The following NFIX variants were observed in gnomAD, a reference collection of about 807,000 sequenced individuals.
NFIX encodes the protein nuclear factor I X.
Under a neutral mutation model 53.3 loss-of-function variants are expected in NFIX, and 2 were observed. The ratio of observed to expected loss-of-function variants is 0.04; its 90% CI spans 0.02 to 0.12. The LOEUF (loss-of-function observed/expected upper bound fraction) is 0.12. NFIX is among the 10% of genes least tolerant of loss of function. The pLI is 1.00. For synonymous variants in NFIX, 244 were observed against 289.0 expected (o/e 0.84, Z 1.58); for missense variants, 310 against 674.5 (o/e 0.46, Z 5.99).
At chr19:13,082,621 T>G (rs2017537587) in intron 8 of NFIX, 1 of 152,206 alleles carries the variant, frequency 6.6e-6, no homozygotes, top group Non-Finnish European at 1.5e-5. Context: ...TGACAGAAAC[T>G]CAGGGTTGCT....
rs954704872 is a variant in NFIX, at chr19:13,042,161, C to G, written c.559+16609C>G. Among the ~76,000 whole-genome samples, 4 of 151,832 alleles carry G rather than the reference C, an allele frequency of 2.6e-5. No homozygotes were observed. In the East Asian group the frequency reaches 7.8e-4, roughly 30 times the overall value. ...GACCTCGTGATCCGCCTGCCTTGGC[C>G]TCCCAAAGTGCTGGGATTACAGGCA... is the stretch of plus-strand genomic sequence containing the variant. On this transcript the variant is annotated intron_variant, in intron 2 of 10. Coordinates refer to ENST00000592199, the MANE Select transcript of NFIX (RefSeq NM_001365902.3).
chr19:13,076,473 T>C (rs1463017047), intron 6 of NFIX, among the ~76,000 whole-genome samples: 2 of 152,174 alleles, frequency 1.3e-5, no homozygotes, highest in South Asian at 4.1e-4. Flanking sequence ...TGTGTGCATG[T>C]GCATGAGCAC....
intron 2 of NFIX, among the ~76,000 whole-genome samples, chr19:13,057,478 C>G (rs751627731): frequency 1.3e-5 from 2 of 152,186 alleles, no homozygotes; most frequent in African/African-American, 2.4e-5. Flanking sequence ...GCTGCAGACT[C>G]GGCTTTCGCT....
At chr19:12,999,356 T>C (rs952998501) in intron 1 of NFIX, among the ~76,000 whole-genome samples, 1 of 151,872 alleles carries the variant, frequency 6.6e-6, no homozygotes, top group Non-Finnish European at 1.5e-5. Context: ...TATTTTTTAG[T>C]GAAGATGGGG....
At chr19:12,997,623 T>C (rs568106384) in intron 1 of NFIX, among the ~76,000 whole-genome samples, 2 of 152,306 alleles carry the variant, frequency 1.3e-5, no homozygotes, top group Admixed American at 6.5e-5. Context: ...GGCCGATGTT[T>C]GGGGCCTAGT....
Position 13,025,586 on chromosome 19 carries a change from T to G in NFIX, c.559+34T>G. 1 of 1,589,226 alleles carries G rather than the reference T, an allele frequency of 6.3e-7. No individual in the cohort carries two copies. The highest frequency in any genetic ancestry group is 8.6e-7 in the Non-Finnish European group (1 of 1,168,426). ...TTCTCAACCATTTTTCCCTCTCATT[T>G]TATTTTCCTTGCTGGCATTTGTTCT... is the stretch of plus-strand genomic sequence containing the variant. On this transcript the variant is annotated intron_variant, in intron 2 of 10. Transcript: ENST00000592199. The surrounding 1 kb of genome is among the most constrained non-coding windows in gnomAD (Gnocchi z 7.5).
Position 13,011,185 on chromosome 19 carries a change from G to T in NFIX, c.28-13836G>T, listed in dbSNP as rs996547428. ...ACATCCCACGTTCTTAAAGACCGGG[G>T]ACCCCCCCTCCCCCAAGGGCCGGAC... On this transcript the variant is annotated intron_variant, in intron 1 of 10. Transcript: ENST00000592199. The surrounding 1 kb of genome is among the most constrained non-coding windows in gnomAD (Gnocchi z 6.5). Among the ~76,000 whole-genome samples, 7 of 152,074 alleles carry T rather than the reference G, an allele frequency of 4.6e-5. No individual in the cohort carries two copies. Among genetic ancestry groups the T allele is most frequent in the Non-Finnish European group, 7.4e-5 (5 of 68,004 alleles).
intron 1 of NFIX, among the ~76,000 whole-genome samples, chr19:13,017,230 C>T (rs142795225): frequency 1.3e-5 from 2 of 152,204 alleles, no homozygotes; most frequent in South Asian, 2.1e-4. Flanking sequence ...GGGCATGGTC[C>T]GAGCTCCTCA....
intron 2 of NFIX, among the ~76,000 whole-genome samples, chr19:13,058,590 A>T (rs2015861653): frequency 6.6e-6 from 1 of 150,852 alleles, no homozygotes; most frequent in South Asian, 2.1e-4. Context: ...CTAATTTTTT[A>T]GGAGAGCTAG....
intron 2 of NFIX, among the ~76,000 whole-genome samples, chr19:13,046,470 C>T (rs1034389436): frequency 1.3e-5 from 2 of 152,040 alleles, no homozygotes; most frequent in South Asian, 4.2e-4. Flanking sequence ...TGCCTTCCCC[C>T]CCCCTCTTTT....
In NFIX at chr19:13,078,428, G is replaced by A. The variant is rs2017244069; in HGVS notation, c.956-185G>A. Among the ~76,000 whole-genome samples the A allele has an allele frequency of 6.6e-6, 1 of 152,138 alleles. No individual in the cohort carries two copies. The highest frequency in any genetic ancestry group is 1.9e-4 in the East Asian group (1 of 5,178). On this transcript the variant is annotated intron_variant, in intron 6 of 10. Coordinates refer to ENST00000592199, the MANE Select transcript of NFIX (RefSeq NM_001365902.3). The surrounding 1 kb of genome is among the most constrained non-coding windows in gnomAD (Gnocchi z 4.7). ...CACCCCTTGGCTGGCCTACACACAG[G>A]GCCTCGGAACCAGGCCTAGAACAAG...
intron 2 of NFIX, among the ~76,000 whole-genome samples, chr19:13,058,527 G>C (rs1359124757): frequency 1.4e-5 from 2 of 148,116 alleles, no homozygotes; most frequent in African/African-American, 2.5e-5. Flanking sequence ...TGTGGTCCCA[G>C]CTACTTGGGA....
At position 13,025,077 on chromosome 19, in the gene NFIX, C is replaced by T. The variant is rs2013220977; in HGVS notation, c.84C>T (p.Tyr28=). Residue 28 remains tyrosine, a synonymous_variant, in exon 2 of 11, where the codon TAC becomes TAT. Transcript: ENST00000592199. This position sits in a 1 kb window ranked among gnomAD's most constrained non-coding sequence, Gnocchi z 7.5. ...TGCCTCACGTCCGCGCTTTCTCCTACACCTGGTTCAACCTGCAGGCGCGGA... is the reference window on the plus strand; with the variant it reads ...TGCCTCACGTCCGCGCTTTCTCCTATACCTGGTTCAACCTGCAGGCGCGGA... The part of the protein sequence containing the change: ...ALLPHVRAFS[Y]TWFNLQARKR... 3.1e-6 allele frequency: 5 copies of T among 1,614,074 alleles called. No homozygotes were observed. The highest frequency in any genetic ancestry group is 2.2e-5 in the East Asian group (1 of 44,884).
rs763546321 is a variant in NFIX at position 13,002,111 on chromosome 19, G to C, written c.27+6247G>C. Among the ~76,000 whole-genome samples the C allele has an allele frequency of 6.6e-6, 1 of 152,104 alleles. No individual in the cohort carries two copies. The highest frequency in any genetic ancestry group is 1.5e-5 in the Non-Finnish European group (1 of 67,998). The stretch of plus-strand genomic sequence containing the variant: ...TGCCCCCACAGCCAGGCAGGCCCTG[G>C]GCCCCACACCCCTGGGCCACCCGCC... On this transcript the variant is annotated intron_variant, in intron 1 of 10. Transcript: ENST00000592199. The surrounding 1 kb of genome is among the most constrained non-coding windows in gnomAD (Gnocchi z 6.1).
chr19:13,000,361 T>G (rs2145128843), intron 1 of NFIX, among the ~76,000 whole-genome samples: 1 of 152,140 alleles, frequency 6.6e-6, no homozygotes, highest in Admixed American at 6.5e-5. Flanking sequence ...GGGATGCCTC[T>G]GAGGGGTAGA....
At chr19:13,080,718 T>A (rs531534117) in intron 7 of NFIX, among the ~76,000 whole-genome samples, 1 of 151,964 alleles carries the variant, frequency 6.6e-6, no homozygotes, top group Non-Finnish European at 1.5e-5. Context: ...TAACAGATAC[T>A]GGCTGGGCGC....
chr19:13,083,069 CTCCCTTT>C (rs2017566724), intron 8 of NFIX, among the ~76,000 whole-genome samples: 1 of 152,244 alleles, frequency 6.6e-6, no homozygotes, highest in Non-Finnish European at 1.5e-5. Flanking sequence ...CGTCTCCCTT[CTCCCTTT>C]GCCCATCGAG....
chr19:13,056,195 G>C (rs984989449), intron 2 of NFIX, among the ~76,000 whole-genome samples: 1 of 152,220 alleles, frequency 6.6e-6, no homozygotes, highest in African/African-American at 2.4e-5. Flanking sequence ...CGGGCAGGGG[G>C]AGGAGCGGGC....
chr19:13,057,170 T>A (rs1309233116), intron 2 of NFIX, among the ~76,000 whole-genome samples: 2 of 152,246 alleles, frequency 1.3e-5, no homozygotes, highest in African/African-American at 4.8e-5. Context: ...AGGTGGAACC[T>A]GCAGCCTGCT....
Sources: gnomAD v4.1 joint callset for allele counts (sites outside exome capture counted in the v4.1 genomes callset) on GRCh38, gnomAD v4.1.1 for gene constraint, Gnocchi (gnomAD v3.1) non-coding constraint, MANE v1.5 for transcripts, NCBI Gene and HGNC (gene_info 2026-07-23, HGNC 2026-07-21) for gene names.